Variants in PGD observed in about 807,000 individuals in gnomAD.
PGD encodes 6-phosphogluconate dehydrogenase, decarboxylating.
Under a neutral mutation model 60.4 loss-of-function variants are expected in PGD, and 21 were observed. That is an observed-to-expected ratio of 0.35 (90% CI 0.25 to 0.50). PGD has a LOEUF of 0.50. Among genes scored for constraint, PGD ranks in the 20% least tolerant of loss-of-function variants. The pLI, the probability that PGD is intolerant of heterozygous loss-of-function variation, is 0.98. For synonymous variants in PGD, 230 were observed against 235.9 expected, an observed-to-expected ratio of 0.97 and a Z score of 0.23; for missense variants, 477 against 613.1, an observed-to-expected ratio of 0.78 and a Z score of 2.34.
chr1:10,417,314 G>C, intron 9 of PGD, 62 bp from the exon 10 acceptor site: 1 of 1,533,376 alleles, frequency 6.5e-7, no homozygotes, highest in Non-Finnish European at 8.9e-7. Flanking sequence ...AATAAGACTG[G>C]TAGACATAAG....
At chr1:10,414,205 AAG>A (rs1639555415) in intron 8 of PGD, among the ~76,000 whole-genome samples, 1 of 152,204 alleles carries the variant, frequency 6.6e-6, no homozygotes, top group Non-Finnish European at 1.5e-5. Flanking sequence ...CCTCTTTTAG[AAG>A]AAAGCCACTA....
chr1:10,411,560 C>T lies in PGD; in HGVS notation c.654+8C>T, dbSNP rs770350516. On this transcript the variant is annotated splice_region_variant and intron_variant, in intron 7 of 12. Coordinates refer to ENST00000270776, the MANE Select transcript of PGD (RefSeq NM_002631.4). ...CAGGACGAGATGGCCCAGGTGAGGC[C>T]CCGGCACTGCCTCTGTGTCCGTTCT... is the stretch of plus-strand genomic sequence containing the variant. 1.2e-6 allele frequency: 2 copies of T among 1,613,974 alleles called. No homozygotes were observed.
intron 3 of PGD, among the ~76,000 whole-genome samples, chr1:10,402,516 A>G (rs767181196): frequency 1.7e-4 from 26 of 151,344 alleles, no homozygotes; most frequent in Non-Finnish European, 3.2e-4. Flanking sequence ...GTGAGACTCC[A>G]TCTCAAAAAA....
intron 2 of PGD, 133 bp downstream of exon 2, chr1:10,399,837 T>G: frequency 1.3e-6 from 1 of 790,098 alleles, no homozygotes; most frequent in Non-Finnish European, 2.1e-6. Flanking sequence ...GTGGCATTTT[T>G]GTATGGAAAG....
At chr1:10,411,702 C>T (rs1478547029) in intron 7 of PGD, 150 bp downstream of exon 7, 1 of 789,132 alleles carries the variant, frequency 1.3e-6, no homozygotes, top group Non-Finnish European at 2.0e-6. Flanking sequence ...TAGTAATAGG[C>T]CTATACACTA....
At chr1:10,410,638 C>A (rs1004724095) in intron 6 of PGD, among the ~76,000 whole-genome samples, 1 of 152,114 alleles carries the variant, frequency 6.6e-6, no homozygotes. Context: ...TGGCTCTCGT[C>A]ACTCCCTTTG....
chr1:10,405,692 C>T (rs1449353437), intron 5 of PGD, among the ~76,000 whole-genome samples: 7 of 151,388 alleles, frequency 4.6e-5, no homozygotes, highest in African/African-American at 1.7e-4. Flanking sequence ...AAAAATTAGC[C>T]GGGCATGGTG....
At chr1:10,404,840 T>A (rs528491810) in intron 5 of PGD, among the ~76,000 whole-genome samples, 1 of 152,294 alleles carries the variant, frequency 6.6e-6, no homozygotes, top group East Asian at 1.9e-4. Context: ...TAATGTTCTG[T>A]GCAATGTCTG....
chr1:10,413,235 A>G lies in PGD; in HGVS notation c.828A>G (p.Val276=). 6.2e-7 allele frequency: 1 copy of G among 1,614,006 alleles called. No homozygotes were observed. Among genetic ancestry groups the G allele is most frequent in the Non-Finnish European group, 8.5e-7 (1 of 1,179,898 alleles). The change falls in exon 8 of 13, where the codon GTA becomes GTG. Residue 276 remains valine, a synonymous_variant. Coordinates refer to ENST00000270776, the MANE Select transcript of PGD (RefSeq NM_002631.4). The stretch of plus-strand genomic sequence containing the variant: ...CCATCTCCGCCCTGGAATACGGCGT[A>G]CCCGTCACCCTCATTGGTAATGTTA... ...WTAISALEYG[V]PVTLIGEAVF...
chr1:10,415,086 G>T (rs1224090138), intron 8 of PGD, among the ~76,000 whole-genome samples: 1 of 130,712 alleles, frequency 7.7e-6, no homozygotes, highest in South Asian at 2.4e-4. Flanking sequence ...GCAAGACTCC[G>T]CCTAAAAAAA....
At chr1:10,406,713 A>G (rs1214301245) in intron 5 of PGD, among the ~76,000 whole-genome samples, 1 of 152,158 alleles carries the variant, frequency 6.6e-6, no homozygotes, top group Non-Finnish European at 1.5e-5. Flanking sequence ...GCCATTAGGG[A>G]GCAGAACAGT....
intron 5 of PGD, 29 bp from the exon 6 acceptor site, chr1:10,408,042 T>C: frequency 1.4e-6 from 2 of 1,431,448 alleles, no homozygotes; most frequent in Non-Finnish European, 2.0e-6. Flanking sequence ...CTCTTCTCAT[T>C]AACTGAACCA....
intron 9 of PGD, 49 bp downstream of exon 9, chr1:10,417,166 G>A (rs746834580): frequency 5.6e-6 from 9 of 1,603,392 alleles, no homozygotes; most frequent in South Asian, 2.2e-5. Context: ...GCGGAAGGCA[G>A]TGGGGGTGGG....
rs70997229 is a variant in PGD at position 10,420,389 on chromosome 1, C to CTTTTTTTTTTTTT, written c.*652_*664dup. Among the ~76,000 whole-genome samples, 1 of 75,060 alleles carries CTTTTTTTTTTTTT rather than the reference C, an allele frequency of 1.3e-5. No individual in the cohort carries two copies. Among genetic ancestry groups the CTTTTTTTTTTTTT allele is most frequent in the Non-Finnish European group, 2.4e-5 (1 of 40,848 alleles). 49.2% of individuals were successfully genotyped at this position (75,060 alleles called of 152,430 possible). A position where few individuals can be genotyped will look rare whatever the true frequency, so the allele number is the denominator to read the frequency against. On this transcript the variant is annotated 3_prime_UTR_variant, in exon 13 of 13. Transcript: ENST00000270776. ...CACTGTAACGTGCTTTTTCTTTCGT[C>CTTTTTTTTTTTTT]TTTTTTTTTTTTTTTTTTTTTTTTG...
chr1:10,407,184 A>C (rs1639422928), intron 5 of PGD, among the ~76,000 whole-genome samples: 2 of 152,202 alleles, frequency 1.3e-5, no homozygotes, highest in East Asian at 3.9e-4. Context: ...ATGGTGGCTC[A>C]CGCCTATGGT....
chr1:10,406,763 T>C (rs1639412457), intron 5 of PGD, among the ~76,000 whole-genome samples: 1 of 152,132 alleles, frequency 6.6e-6, no homozygotes, highest in South Asian at 2.1e-4. Flanking sequence ...CGTGCTGAGC[T>C]GTGGAAGGAA....
chr1:10,418,670 G>A (rs3762286), intron 10 of PGD, 156 bp from the exon 11 acceptor site: 172,482 of 531,426 alleles, frequency 0.32, 28,614 homozygotes, highest in Admixed American at 0.37. Flanking sequence ...AGCTACTGGC[G>A]AGGCTGAGGC....
intron 4 of PGD, among the ~76,000 whole-genome samples, chr1:10,403,905 A>G (rs1639356964): frequency 6.6e-6 from 1 of 152,144 alleles, no homozygotes; most frequent in Non-Finnish European, 1.5e-5. Context: ...TAATTATTTT[A>G]CTTTGGGGAT....
rs372926572 is a variant in PGD at position 10,415,711 on chromosome 1, A to G, written c.845-1276A>G. The stretch of plus-strand genomic sequence containing the variant: ...TAGCTGCTCCTCTTTCCTCAGAAAT[A>G]AAGTCCTCTGTTAGTTCCCTGAGAT... On this transcript the variant is annotated intron_variant, in intron 8 of 12. Coordinates refer to ENST00000270776, the MANE Select transcript of PGD (RefSeq NM_002631.4). Among the ~76,000 whole-genome samples, 95 of 152,334 alleles carry G rather than the reference A, an allele frequency of 6.2e-4. 1 individual carries two copies. The highest frequency in any genetic ancestry group is 2.2e-3 in the African/African-American group (91 of 41,574).
Sources: allele counts gnomAD v4.1 joint callset (sites outside exome capture counted in the v4.1 genomes callset), GRCh38; gene constraint gnomAD v4.1.1; transcripts MANE v1.5; gene names NCBI Gene and HGNC (gene_info 2026-07-23, HGNC 2026-07-21).